LDLRAD3: variants seen among roughly 807,000 people sequenced by gnomAD.
The protein encoded by LDLRAD3 is low-density lipoprotein receptor class A domain-containing protein 3.
Under a neutral mutation model 29.4 loss-of-function variants are expected in LDLRAD3, and 20 were observed. The ratio of observed to expected loss-of-function variants is 0.68; its 90% CI spans 0.48 to 0.99. LDLRAD3 has a LOEUF of 0.99. Among genes scored for constraint, LDLRAD3 ranks in the 50% least tolerant of loss-of-function variants. LDLRAD3 has a pLI of 0.00. For synonymous variants in LDLRAD3, 157 were observed against 192.7 expected, an observed-to-expected ratio of 0.81 and a Z score of 1.53; for missense variants, 420 against 454.3, an observed-to-expected ratio of 0.92 and a Z score of 0.69.
At chr11:36,005,617 C>A (rs1851875447) in intron 1 of LDLRAD3, among the ~76,000 whole-genome samples, 1 of 152,214 alleles carries the variant, frequency 6.6e-6, no homozygotes, top group Non-Finnish European at 1.5e-5. Flanking sequence ...GTTCGAAAGT[C>A]ACTTTCACAT....
At chr11:36,218,177 A>G (rs61881464) in intron 4 of LDLRAD3, among the ~76,000 whole-genome samples, 10,204 of 152,248 alleles carry the variant, frequency 0.067, 438 homozygotes, top group East Asian at 0.2. Flanking sequence ...GTAAATATGC[A>G]TGGTGGTGAT....
At position 36,225,065 on chromosome 11, in the gene LDLRAD3, C is replaced by T. The variant is rs552369541; in HGVS notation, c.455-2020C>T. On this transcript the variant is annotated intron_variant, in intron 4 of 5. Coordinates refer to ENST00000315571, the MANE Select transcript of LDLRAD3 (RefSeq NM_174902.4). ...ACCATCCTACTCTCTGGGGATACAGCAGTGAACAAAACAGACGCACACCTA... is the reference window on the plus strand; with the variant it reads ...ACCATCCTACTCTCTGGGGATACAGTAGTGAACAAAACAGACGCACACCTA... Among the ~76,000 whole-genome samples the T allele has an allele frequency of 4.6e-5, 7 of 152,284 alleles. No individual in the cohort carries two copies. The South Asian group carries it at 1.2e-3, about 27-fold the overall frequency.
chr11:36,078,080 C>G (rs1173915910), intron 2 of LDLRAD3, among the ~76,000 whole-genome samples: 4 of 152,144 alleles, frequency 2.6e-5, no homozygotes, highest in African/African-American at 9.7e-5. Flanking sequence ...GGTAGCTCCT[C>G]TCTGCAGCTT....
intron 4 of LDLRAD3, among the ~76,000 whole-genome samples, chr11:36,194,683 A>G (rs532969653): frequency 6.6e-5 from 10 of 152,316 alleles, no homozygotes; most frequent in Admixed American, 2.0e-4. Flanking sequence ...CCATACCCCT[A>G]CCAGTAAGGA....
At chr11:36,158,525 CTT>C (rs61352747) in intron 4 of LDLRAD3, among the ~76,000 whole-genome samples, 29 of 107,066 alleles carry the variant, frequency 2.7e-4, no homozygotes, top group East Asian at 8.7e-4. Context: ...ATGTTCTGGG[CTT>C]TTTTTTTTTT....
chr11:36,154,929 T>C (rs555333788), intron 4 of LDLRAD3, among the ~76,000 whole-genome samples: 5 of 152,328 alleles, frequency 3.3e-5, no homozygotes, highest in East Asian at 1.9e-4. Context: ...TCTGTCTGTC[T>C]GCTTCTCTCT....
intron 4 of LDLRAD3, among the ~76,000 whole-genome samples, chr11:36,151,902 T>C (rs913584960): frequency 6.6e-6 from 1 of 152,210 alleles, no homozygotes; most frequent in Non-Finnish European, 1.5e-5. Context: ...GAGCTGGGGC[T>C]ACCAGAGAGC....
chr11:36,185,658 C>T (rs572740574), intron 4 of LDLRAD3, among the ~76,000 whole-genome samples: 4 of 152,268 alleles, frequency 2.6e-5, no homozygotes, highest in East Asian at 1.9e-4. Context: ...ATTGGCCTCT[C>T]GAGGTGAGAT....
intron 4 of LDLRAD3, among the ~76,000 whole-genome samples, chr11:36,140,522 G>A (rs1259544736): frequency 6.6e-6 from 1 of 152,076 alleles, no homozygotes; most frequent in Non-Finnish European, 1.5e-5. Context: ...TCTACTTCCC[G>A]GGCTCAAGCG....
In LDLRAD3 at chr11:36,232,004, T is replaced by C. The variant is rs1855583365; in HGVS notation, c.*2607T>C. ...GACATTTTTAAAAAATGCAACTAAG[T>C]GGTTAATAGTGTGTGACGCTCAAAG... On this transcript the variant is annotated 3_prime_UTR_variant, in exon 6 of 6. Coordinates refer to ENST00000315571, the MANE Select transcript of LDLRAD3 (RefSeq NM_174902.4). The C allele has an allele frequency of 6.6e-6, 1 of 152,180 alleles. No individual in the cohort carries two copies. The highest frequency in any genetic ancestry group is 2.4e-5 in the African/African-American group (1 of 41,434). The allele number at this position is 152,180 out of a possible 1,614,324, so 9.4% of individuals were successfully genotyped here.
chr11:36,229,096 C>T, intron 5 of LDLRAD3, 64 bp from the exon 6 acceptor site: 2 of 1,148,432 alleles, frequency 1.7e-6, no homozygotes, highest in Non-Finnish European at 2.6e-6. Flanking sequence ...CTTATCTTGG[C>T]CCTAATGTGT....
intron 2 of LDLRAD3, among the ~76,000 whole-genome samples, chr11:36,043,009 T>TA (rs34537513): frequency 0.023 from 3,439 of 150,186 alleles, 86 homozygotes; most frequent in East Asian, 0.12. Context: ...CTCCTTTGTT[T>TA]AAAAAAAAAA....
At chr11:36,079,583 A>G (rs1270781059) in intron 2 of LDLRAD3, among the ~76,000 whole-genome samples, 1 of 152,206 alleles carries the variant, frequency 6.6e-6, no homozygotes, top group Non-Finnish European at 1.5e-5. Flanking sequence ...AAGAATACCG[A>G]GACAGTCATA....
chr11:36,204,968 C>G (rs577096428), intron 4 of LDLRAD3, among the ~76,000 whole-genome samples: 1 of 152,320 alleles, frequency 6.6e-6, no homozygotes, highest in South Asian at 2.1e-4. Context: ...CTGGAGCCGC[C>G]TATTCTTGCC....
intron 1 of LDLRAD3, among the ~76,000 whole-genome samples, chr11:36,005,486 T>G (rs1851873216): frequency 6.6e-6 from 1 of 152,244 alleles, no homozygotes; most frequent in Non-Finnish European, 1.5e-5. Context: ...TCATTGTCCA[T>G]GTCACGATCA....
chr11:36,180,523 G>A (rs964383545), intron 4 of LDLRAD3, among the ~76,000 whole-genome samples: 7 of 152,172 alleles, frequency 4.6e-5, no homozygotes, highest in African/African-American at 1.7e-4. Context: ...GCTGGGGACA[G>A]CTGAAGACAG....
At chr11:36,092,471 T>TA (rs1477895650) in intron 3 of LDLRAD3, among the ~76,000 whole-genome samples, 2 of 152,296 alleles carry the variant, frequency 1.3e-5, no homozygotes, top group East Asian at 3.9e-4. Flanking sequence ...TATCTCACTC[T>TA]ATGTTTGTAT....
intron 1 of LDLRAD3, among the ~76,000 whole-genome samples, chr11:35,992,691 G>T (rs1226762303): frequency 6.6e-6 from 1 of 152,214 alleles, no homozygotes; most frequent in Admixed American, 6.5e-5. Flanking sequence ...CTAGGGCTGA[G>T]TGGGGGTTTG....
At chr11:35,959,721 C>A (rs263084) in intron 1 of LDLRAD3, among the ~76,000 whole-genome samples, 84,971 of 151,846 alleles carry the variant, frequency 0.56, 26,247 homozygotes, top group African/African-American at 0.83. Flanking sequence ...CAGGAGTTCG[C>A]GACCAGCCTG....
Sources: allele counts gnomAD v4.1 joint callset (sites outside exome capture counted in the v4.1 genomes callset), GRCh38; gene constraint gnomAD v4.1.1; transcripts MANE v1.5; gene names NCBI Gene and HGNC (gene_info 2026-07-23, HGNC 2026-07-21).